ADCK2: variants seen among roughly 807,000 people sequenced by gnomAD.
ADCK2 encodes aarF domain containing kinase 2, also known as uncharacterized aarF domain-containing protein kinase 2.
A neutral mutation model predicts 52.3 loss-of-function variants in ADCK2; 37 were observed. The ratio of observed to expected loss-of-function variants is 0.71; its 90% CI spans 0.54 to 0.93. The LOEUF is 0.93. ADCK2 is among the 40% of genes least tolerant of loss of function. ADCK2 has a pLI of 0.00. For missense variants in ADCK2, 695 were observed against 798.7 expected, an observed-to-expected ratio of 0.87 and a Z score of 1.56; for synonymous variants, 321 against 349.2, an observed-to-expected ratio of 0.92 and a Z score of 0.90.
In ADCK2 at chr7:140,678,519, G is replaced by A. The variant is rs1220293138; in HGVS notation, c.1081-636G>A. 1.3e-5 allele frequency among the ~76,000 whole-genome samples: 2 copies of A among 152,166 alleles called. No homozygotes were observed. The highest frequency in any genetic ancestry group is 2.9e-5 in the Non-Finnish European group (2 of 68,022). ...GACATCAGCTCCTGGGGGCACAGGAGACCCAGCCAAGACAGGACAGCGAGA... is the reference window on the plus strand; with the variant it reads ...GACATCAGCTCCTGGGGGCACAGGAAACCCAGCCAAGACAGGACAGCGAGA... On this transcript the variant is annotated intron_variant, in intron 2 of 7. Transcript: ENST00000072869. The surrounding 1 kb of genome is among the most constrained non-coding windows in gnomAD (Gnocchi z 4.9).
At chr7:140,677,168 G>C (rs1279896945) in intron 2 of ADCK2, among the ~76,000 whole-genome samples, 1 of 152,194 alleles carries the variant, frequency 6.6e-6, no homozygotes. Context: ...AGCACTTTGG[G>C]AGGCGGCGTC....
At chr7:140,685,669 TA>T (rs1224415381) in intron 4 of ADCK2, among the ~76,000 whole-genome samples, 1 of 151,970 alleles carries the variant, frequency 6.6e-6, no homozygotes, top group East Asian at 1.9e-4. Context: ...TCTGCCGCCA[TA>T]AGGGATGGGG....
Position 140,673,276 on chromosome 7 carries a change from G to T in ADCK2, c.-55G>T. On this transcript the variant is annotated 5_prime_UTR_variant, in exon 1 of 8. It removes the in-frame stop codon of an upstream open reading frame in the 5' UTR. Transcript: ENST00000072869. The surrounding 1 kb of genome is among the most constrained non-coding windows in gnomAD (Gnocchi z 6.4). ...CTTCGGCTTCACCGCAGCCTCGCCT[G>T]AGCGGGCGCCTCTGAAGTGGAGGGC... The T allele has an allele frequency of 7.2e-7, 1 of 1,383,596 alleles. No homozygotes were observed. The highest frequency in any genetic ancestry group is 9.4e-7 in the Non-Finnish European group (1 of 1,064,722). The allele number at this position is 1,383,596 out of a possible 1,614,324, so 85.7% of individuals were successfully genotyped here. A position where few individuals can be genotyped will look rare whatever the true frequency, so the allele number is the denominator to read the frequency against.
chr7:140,688,042 CTCTG>C (rs943212652), intron 5 of ADCK2, among the ~76,000 whole-genome samples: 14 of 151,040 alleles, frequency 9.3e-5, no homozygotes, highest in Middle Eastern at 3.4e-3. Flanking sequence ...ATGCCTCTGT[CTCTG>C]TCTTTTTTTT....
At chr7:140,682,271 C>T (rs1214117901) in intron 4 of ADCK2, among the ~76,000 whole-genome samples, 3 of 152,338 alleles carry the variant, frequency 2.0e-5, no homozygotes, top group South Asian at 4.1e-4. Flanking sequence ...GGGATTCACT[C>T]AGGAAGTGGC....
At chr7:140,680,412 A>T (rs4725799) in intron 3 of ADCK2, among the ~76,000 whole-genome samples, 15,698 of 151,694 alleles carry the variant, frequency 0.1, 877 homozygotes, top group South Asian at 0.19. Flanking sequence ...TTTGGTTTCC[A>T]AAAGTGCTAG....
chr7:140,674,887 A>T lies in ADCK2; in HGVS notation c.1080+130A>T. On this transcript the variant is annotated intron_variant, in intron 2 of 7. Coordinates refer to ENST00000072869, the MANE Select transcript of ADCK2 (RefSeq NM_052853.4). This position sits in a 1 kb window ranked among gnomAD's most constrained non-coding sequence, Gnocchi z 4.6. ...CATGTGATGTGTTAGAGCTGGTAAC[A>T]CTAGCTGATAAAGAACATCCAAATC... The T allele has an allele frequency of 8.6e-7, 1 of 1,161,002 alleles. No homozygotes were observed. 71.9% of individuals were successfully genotyped at this position (1,161,002 alleles called of 1,614,324 possible). A position where few individuals can be genotyped will look rare whatever the true frequency, so the allele number is the denominator to read the frequency against.
rs999214890 is a variant in ADCK2 at position 140,691,851 on chromosome 7, C to T, written c.1740+1038C>T. On this transcript the variant is annotated intron_variant, in intron 7 of 7. Transcript: ENST00000072869. ...ACCTGTGGCCATGTGGGCAAGCCCC[C>T]GCCTGCTGCTGGGTCCTCCCGCCTC... Among the ~76,000 whole-genome samples, 6 of 152,380 alleles carry T rather than the reference C, an allele frequency of 3.9e-5. No homozygotes were observed. The East Asian group carries it at 5.8e-4, about 15-fold the overall frequency.
chr7:140,681,533 G>T (rs1252078920), intron 4 of ADCK2, among the ~76,000 whole-genome samples: 1 of 151,824 alleles, frequency 6.6e-6, no homozygotes, highest in African/African-American at 2.4e-5. Context: ...TGTTAGCCAG[G>T]ATGGTGTCGA....
chr7:140,689,287 T>A (rs1026919547), intron 5 of ADCK2, among the ~76,000 whole-genome samples: 2 of 152,136 alleles, frequency 1.3e-5, no homozygotes, highest in Admixed American at 6.5e-5. Flanking sequence ...AAAAAATTTT[T>A]TTTTTTTAAA....
chr7:140,682,696 T>C (rs1794535685), intron 4 of ADCK2, among the ~76,000 whole-genome samples: 1 of 151,788 alleles, frequency 6.6e-6, no homozygotes, highest in Non-Finnish European at 1.5e-5. Flanking sequence ...GATTAAAACA[T>C]AGGAGAGTTT....
At chr7:140,688,036 C>T (rs1170659031) in intron 5 of ADCK2, among the ~76,000 whole-genome samples, 2 of 151,406 alleles carry the variant, frequency 1.3e-5, no homozygotes, top group African/African-American at 2.4e-5. Context: ...TGGGGAATGC[C>T]TCTGTCTCTG....
At chr7:140,679,527 G>A (rs1241503935) in intron 3 of ADCK2, among the ~76,000 whole-genome samples, 1 of 152,108 alleles carries the variant, frequency 6.6e-6, no homozygotes, top group Non-Finnish European at 1.5e-5. Context: ...TTGGTGACCT[G>A]CCTTAGAGGA....
rs1331367056 is a variant in ADCK2, at chr7:140,678,777, A to G, written c.1081-378A>G. ...GGTAGCCCTGTGTGGAAGCGCCCAC[A>G]GCACGCTGGCCCTAATGGAAAGAGA... On this transcript the variant is annotated intron_variant, in intron 2 of 7. Coordinates refer to ENST00000072869, the MANE Select transcript of ADCK2 (RefSeq NM_052853.4). The surrounding 1 kb of genome is among the most constrained non-coding windows in gnomAD (Gnocchi z 4.9). 6.6e-6 allele frequency among the ~76,000 whole-genome samples: 1 copy of G among 152,196 alleles called. No homozygotes were observed. Among genetic ancestry groups the G allele is most frequent in the African/African-American group, 2.4e-5 (1 of 41,452 alleles).
In ADCK2 at chr7:140,682,152, G is replaced by A. The variant is rs575997322; in HGVS notation, c.1305+1015G>A. Among the ~76,000 whole-genome samples, 9 of 152,354 alleles carry A rather than the reference G, an allele frequency of 5.9e-5. No individual in the cohort carries two copies. In the South Asian group the frequency reaches 1.9e-3, roughly 32 times the overall value. On this transcript the variant is annotated intron_variant, in intron 4 of 7. Coordinates refer to ENST00000072869, the MANE Select transcript of ADCK2 (RefSeq NM_052853.4). ...TGAGCAAAACAGACACAATTACAAT[G>A]CTCGTGACATACTATTCCTTGGGAA...
At position 140,694,809 on chromosome 7, in the gene ADCK2, C is replaced by A. The variant is rs1032669817; in HGVS notation, c.*6C>A. On this transcript the variant is annotated 3_prime_UTR_variant, in exon 8 of 8. Coordinates refer to ENST00000072869, the MANE Select transcript of ADCK2 (RefSeq NM_052853.4). ...GCCCAGTGTGCCCCCCGTGATGGGGCAGTGGCCTCTGTGGGCCCTTGTCAA... is the reference window on the plus strand; with the variant it reads ...GCCCAGTGTGCCCCCCGTGATGGGGAAGTGGCCTCTGTGGGCCCTTGTCAA... 1.2e-6 allele frequency: 2 copies of A among 1,610,772 alleles called. No homozygotes were observed. Among genetic ancestry groups the A allele is most frequent in the Non-Finnish European group, 1.7e-6 (2 of 1,178,338 alleles).
At chr7:140,684,309 T>C (rs538950432) in intron 4 of ADCK2, among the ~76,000 whole-genome samples, 1 of 152,182 alleles carries the variant, frequency 6.6e-6, no homozygotes, top group South Asian at 2.1e-4. Context: ...GTCACCATGA[T>C]GGTTAAAGGA....
At position 140,674,870 on chromosome 7, in the gene ADCK2, G is replaced by A. The variant is rs1794370450; in HGVS notation, c.1080+113G>A. Reference sequence around the variant, plus strand: ...TCTGGTATGTCATAACTCATGTGATGTGTTAGAGCTGGTAACACTAGCTGA... The same window carrying A: ...TCTGGTATGTCATAACTCATGTGATATGTTAGAGCTGGTAACACTAGCTGA... On this transcript the variant is annotated intron_variant, in intron 2 of 7. Coordinates refer to ENST00000072869, the MANE Select transcript of ADCK2 (RefSeq NM_052853.4). This position sits in a 1 kb window ranked among gnomAD's most constrained non-coding sequence, Gnocchi z 4.6. The A allele has an allele frequency of 8.6e-6, 11 of 1,285,264 alleles. No individual in the cohort carries two copies. Among genetic ancestry groups the A allele is most frequent in the Non-Finnish European group, 1.1e-5 (10 of 948,772 alleles). 79.6% of individuals were successfully genotyped at this position (1,285,264 alleles called of 1,614,324 possible). A position where few individuals can be genotyped will look rare whatever the true frequency, so the allele number is the denominator to read the frequency against.
In ADCK2 at chr7:140,695,009, G is replaced by C; in HGVS notation, c.*206G>C. ...AATTAGGGAGTAAAAGGAGGGAAGG[G>C]GCCTATCCATTCCATTGTGGAAGCT... On this transcript the variant is annotated 3_prime_UTR_variant, in exon 8 of 8. Transcript: ENST00000072869. 1 of 1,308,918 alleles carries C rather than the reference G, an allele frequency of 7.6e-7. No homozygotes were observed. The highest frequency in any genetic ancestry group is 9.7e-7 in the Non-Finnish European group (1 of 1,031,442). The allele number at this position is 1,308,918 out of a possible 1,614,324, so 81.1% of individuals were successfully genotyped here.
Sources: gnomAD v4.1 joint callset for allele counts (sites outside exome capture counted in the v4.1 genomes callset) on GRCh38, gnomAD v4.1.1 for gene constraint, Gnocchi (gnomAD v3.1) non-coding constraint, MANE v1.5 for transcripts, NCBI Gene and HGNC (gene_info 2026-07-23, HGNC 2026-07-21) for gene names.